ERC2: variants seen among roughly 807,000 people sequenced by gnomAD.
The protein encoded by ERC2 is ERC protein 2.
ERC2 carries 42 observed loss-of-function variants against 114.8 expected under a neutral mutation model. The observed-to-expected ratio is 0.37, with a 90% CI of 0.29 to 0.47. The LOEUF (loss-of-function observed/expected upper bound fraction) is 0.47. Among genes scored for constraint, ERC2 ranks in the 20% least tolerant of loss-of-function variants. ERC2 has a pLI of 0.99. For synonymous variants in ERC2, 454 were observed against 425.5 expected, an observed-to-expected ratio of 1.07 and a Z score of -0.82; for missense variants, 939 against 1,150.7, an observed-to-expected ratio of 0.82 and a Z score of 2.66.
chr3:56,326,904 G>T (rs2057385435), intron 2 of ERC2, among the ~76,000 whole-genome samples: 1 of 152,186 alleles, frequency 6.6e-6, no homozygotes, highest in Non-Finnish European at 1.5e-5. Context: ...CTCTGAAACT[G>T]GATTTCTCTG....
At chr3:56,011,531 T>G (rs1057125460) in intron 8 of ERC2, among the ~76,000 whole-genome samples, 1 of 152,152 alleles carries the variant, frequency 6.6e-6, no homozygotes, top group East Asian at 1.9e-4. Context: ...ACTTTCACAC[T>G]GAAATGAAAA....
chr3:55,597,203 G>A (rs947341537), intron 17 of ERC2, among the ~76,000 whole-genome samples: 6 of 152,116 alleles, frequency 3.9e-5, no homozygotes, highest in East Asian at 1.9e-4. Context: ...GGCGGATCAC[G>A]AGGTCAGGAG....
chr3:55,639,989 C>A lies in ERC2; in HGVS notation c.*39+43805G>T, dbSNP rs1446822564. Among the ~76,000 whole-genome samples the A allele has an allele frequency of 2.0e-5, 3 of 152,134 alleles. No homozygotes were observed. The East Asian group carries it at 5.8e-4, about 29-fold the overall frequency. The stretch of plus-strand genomic sequence containing the variant: ...GAGGCAGATCCACACAGGGCAGGAG[C>A]CCCAGGGAAAGCTATGTCAATGTCG... On this transcript the variant is annotated intron_variant, in intron 17 of 17. Coordinates refer to ENST00000288221, the MANE Select transcript of ERC2 (RefSeq NM_015576.3).
At chr3:56,030,819 G>C (rs917853122) in intron 7 of ERC2, among the ~76,000 whole-genome samples, 1 of 152,164 alleles carries the variant, frequency 6.6e-6, no homozygotes, top group African/African-American at 2.4e-5. Flanking sequence ...ACAAATATAA[G>C]AAAAGACTCA....
intron 6 of ERC2, among the ~76,000 whole-genome samples, chr3:56,132,146 C>T (rs1467313133): frequency 6.6e-6 from 1 of 152,152 alleles, no homozygotes; most frequent in African/African-American, 2.4e-5. Flanking sequence ...TGCATACAGT[C>T]CCACAGTCCC....
intron 13 of ERC2, among the ~76,000 whole-genome samples, chr3:55,914,019 ATT>A (rs5849115): frequency 8.3e-4 from 126 of 150,962 alleles, no homozygotes; most frequent in Admixed American, 2.4e-3. Flanking sequence ...CTTTATGACA[ATT>A]TTTTTTTTTT....
intron 5 of ERC2, among the ~76,000 whole-genome samples, chr3:56,147,231 C>A (rs991820895): frequency 6.6e-6 from 1 of 152,198 alleles, no homozygotes; most frequent in Non-Finnish European, 1.5e-5. Context: ...TGCCGAACCT[C>A]GGCTTAACTC....
intron 13 of ERC2, among the ~76,000 whole-genome samples, chr3:55,896,878 T>C (rs2063865956): frequency 6.6e-6 from 1 of 152,248 alleles, no homozygotes; most frequent in African/African-American, 2.4e-5. Context: ...TCTGATTGTA[T>C]TAGTCATTCT....
intron 13 of ERC2, among the ~76,000 whole-genome samples, chr3:55,889,139 T>C (rs971296579): frequency 6.6e-5 from 10 of 152,210 alleles, no homozygotes; most frequent in Admixed American, 5.9e-4. Flanking sequence ...AACACTCAAA[T>C]GCATTTTGCC....
chr3:55,542,292 T>C (rs944351027), intron 17 of ERC2, among the ~76,000 whole-genome samples: 1 of 152,180 alleles, frequency 6.6e-6, no homozygotes, highest in Non-Finnish European at 1.5e-5. Context: ...AATGGGAACA[T>C]TGCCCAAGAT....
At chr3:55,553,701 A>C (rs553129932) in intron 17 of ERC2, among the ~76,000 whole-genome samples, 1 of 151,992 alleles carries the variant, frequency 6.6e-6, no homozygotes, top group African/African-American at 2.4e-5. Context: ...AATGGCGTGA[A>C]CCCGGGAGGT....
intron 3 of ERC2, among the ~76,000 whole-genome samples, chr3:56,225,006 C>T (rs2050158513): frequency 6.6e-6 from 1 of 152,124 alleles, no homozygotes; most frequent in Non-Finnish European, 1.5e-5. Flanking sequence ...ATACCTCCTG[C>T]CTATTCCCTT....
chr3:56,021,687 C>T (rs897983514), intron 7 of ERC2, among the ~76,000 whole-genome samples: 4 of 152,022 alleles, frequency 2.6e-5, no homozygotes, highest in Non-Finnish European at 5.9e-5. Context: ...AAGCCCAGTA[C>T]CCAGTAGTCA....
At chr3:56,085,031 GC>G (rs1204627530) in intron 6 of ERC2, among the ~76,000 whole-genome samples, 1 of 152,072 alleles carries the variant, frequency 6.6e-6, no homozygotes, top group Non-Finnish European at 1.5e-5. Flanking sequence ...CCCCTCCCCA[GC>G]CTTTCAGCCT....
intron 14 of ERC2, among the ~76,000 whole-genome samples, chr3:55,748,571 T>C (rs1404094953): frequency 6.6e-6 from 1 of 152,174 alleles, no homozygotes; most frequent in Non-Finnish European, 1.5e-5. Context: ...TCTATTACCA[T>C]CATGAGCAAA....
intron 17 of ERC2, among the ~76,000 whole-genome samples, chr3:55,640,379 T>G (rs1288287730): frequency 1.3e-5 from 2 of 152,196 alleles, no homozygotes; most frequent in Non-Finnish European, 2.9e-5. Context: ...TCCTACCTTA[T>G]GCACAGCCCT....
intron 3 of ERC2, among the ~76,000 whole-genome samples, chr3:56,184,546 C>T (rs2083474695): frequency 6.6e-6 from 1 of 152,150 alleles, no homozygotes; most frequent in Admixed American, 6.5e-5. Context: ...ATAGGACTTA[C>T]CGCCCCATGG....
chr3:55,950,331 C>A (rs2067411225), intron 13 of ERC2, 94 bp downstream of exon 13: 1 of 1,486,794 alleles, frequency 6.7e-7, no homozygotes. Flanking sequence ...CAAAGTCCAC[C>A]ATTTCTGTGC....
At chr3:55,513,413 T>C (rs368549808) in intron 17 of ERC2, among the ~76,000 whole-genome samples, 3 of 152,238 alleles carry the variant, frequency 2.0e-5, no homozygotes, top group East Asian at 1.9e-4. Flanking sequence ...CACAAGCGTG[T>C]CTCTCTATCT....
Sources: allele counts gnomAD v4.1 joint callset (sites outside exome capture counted in the v4.1 genomes callset), GRCh38; gene constraint gnomAD v4.1.1; transcripts MANE v1.5; gene names NCBI Gene and HGNC (gene_info 2026-07-23, HGNC 2026-07-21).